PIN4: variants seen among roughly 807,000 people sequenced by gnomAD.
The protein encoded by PIN4 is peptidyl-prolyl cis-trans isomerase NIMA-interacting 4.
In PIN4, 3 loss-of-function variants were observed where a neutral mutation model predicts 8.3. That is an observed-to-expected ratio of 0.36 (90% CI 0.16 to 0.93). PIN4 has a LOEUF of 0.93. Among genes scored for constraint, PIN4 ranks in the 40% least tolerant of loss-of-function variants. The pLI is 0.44. For synonymous variants in PIN4, 18 were observed against 32.5 expected, an observed-to-expected ratio of 0.55 and a Z score of 1.52; for missense variants, 75 against 100.6, an observed-to-expected ratio of 0.75 and a Z score of 1.09.
At chrX:72,249,701 A>G (rs1004956600) in intron 3 of PIN4, among the ~76,000 whole-genome samples, 1 of 111,983 alleles carries the variant, frequency 8.9e-6, no homozygotes, top group Non-Finnish European at 1.9e-5. Flanking sequence ...TTCCATTTCT[A>G]TGAAGTTCAA....
chrX:72,184,484 A>G (rs1158629487), intron 1 of PIN4, among the ~76,000 whole-genome samples: 1 of 110,655 alleles, frequency 9.0e-6, no homozygotes, highest in Non-Finnish European at 1.9e-5. Context: ...AGATTCCCCA[A>G]GATAGATGGT....
intron 3 of PIN4, among the ~76,000 whole-genome samples, chrX:72,259,808 G>A (rs896212749): frequency 3.1e-5 from 3 of 95,270 alleles, no homozygotes; most frequent in Non-Finnish European, 6.1e-5. Flanking sequence ...TTGGCTCACC[G>A]CAACCTCCGC....
chrX:72,192,098 T>A lies in PIN4; in HGVS notation c.118-4687T>A, dbSNP rs183104639. 9.8e-4 allele frequency among the ~76,000 whole-genome samples: 108 copies of A among 110,575 alleles called. 1 individual carries two copies. In the East Asian group the frequency reaches 0.025, roughly 25 times the overall value. ...TCCCGAGTAGCTGGGATTACAGGCA[T>A]CCACCACCACTCCCGGCTAATTGTT... is the stretch of plus-strand genomic sequence containing the variant. On this transcript the variant is annotated intron_variant, in intron 2 of 3. Coordinates refer to ENST00000373669, the MANE Select transcript of PIN4 (RefSeq NM_006223.4).
intron 3 of PIN4, among the ~76,000 whole-genome samples, chrX:72,251,378 T>A (rs1191426162): frequency 5.8e-5 from 4 of 68,572 alleles, no homozygotes; most frequent in Non-Finnish European, 9.7e-5. Context: ...AAAAAAAATA[T>A]GTGTGAGTGT....
intron 2 of PIN4, among the ~76,000 whole-genome samples, chrX:72,195,511 G>A (rs757906931): frequency 9.0e-6 from 1 of 110,611 alleles, no homozygotes; most frequent in South Asian, 3.8e-4. Flanking sequence ...GCGTGGTGGT[G>A]CGCACCTATA....
At chrX:72,263,762 G>A (rs907069214) in exon 4 of PIN4, 1 of 111,654 alleles carries the variant, frequency 9.0e-6, no homozygotes, top group East Asian at 2.8e-4. Flanking sequence ...GAGTGCCCAT[G>A]TGAGGGGTAC....
chrX:72,205,430 T>G (rs1348801565), intron 3 of PIN4: 16 of 1,210,558 alleles, frequency 1.3e-5, no homozygotes, highest in Non-Finnish European at 1.8e-5. Context: ...TCGTCAAGTC[T>G]TTCCTCCATG....
chrX:72,263,766 G>C (rs982581002), exon 4 of PIN4: 1 of 111,578 alleles, frequency 9.0e-6, no homozygotes, highest in Non-Finnish European at 1.9e-5. Flanking sequence ...GCCCATGTGA[G>C]GGGTACTGAG....
exon 4 of PIN4, chrX:72,263,869 T>G (rs1038102509): frequency 9.0e-6 from 1 of 111,507 alleles, no homozygotes; most frequent in Admixed American, 9.5e-5. Context: ...TGTTAAACTT[T>G]CAGGAATTTT....
At chrX:72,204,480 A>T (rs930651191) in intron 3 of PIN4, among the ~76,000 whole-genome samples, 1 of 112,031 alleles carries the variant, frequency 8.9e-6, no homozygotes, top group African/African-American at 3.2e-5. Flanking sequence ...GACATGTCAC[A>T]TGACATCAGG....
chrX:72,250,993 A>G, intron 3 of PIN4, among the ~76,000 whole-genome samples: 1 of 107,180 alleles, frequency 9.3e-6, no homozygotes, highest in Non-Finnish European at 1.9e-5. Flanking sequence ...TCCCACCTCC[A>G]TCTCCCAAAG....
chrX:72,206,544 C>T, intron 3 of PIN4: 3 of 1,211,490 alleles, frequency 2.5e-6, no homozygotes, highest in Non-Finnish European at 2.2e-6. Context: ...GGCATTTCTT[C>T]TTTGTTGAAG....
At chrX:72,261,652 A>C (rs778577915) in intron 3 of PIN4, among the ~76,000 whole-genome samples, 217 of 112,450 alleles carry the variant, frequency 1.9e-3, no homozygotes, top group African/African-American at 6.8e-3. Context: ...GCACCTAAGC[A>C]CTTTAATCAC....
intron 1 of PIN4, among the ~76,000 whole-genome samples, chrX:72,183,049 T>C (rs2042682076): frequency 9.0e-6 from 1 of 111,582 alleles, no homozygotes; most frequent in Non-Finnish European, 1.9e-5. Context: ...AAAGATTCTG[T>C]AAATATTAGG....
chrX:72,254,173 T>G (rs2043099422), intron 3 of PIN4, among the ~76,000 whole-genome samples: 2 of 111,530 alleles, frequency 1.8e-5, no homozygotes, highest in Non-Finnish European at 3.8e-5. Context: ...AATCTCACCC[T>G]TTTTCTTCAG....
At chrX:72,247,518 G>C (rs2043071280) in intron 3 of PIN4, among the ~76,000 whole-genome samples, 1 of 112,417 alleles carries the variant, frequency 8.9e-6, no homozygotes, top group Non-Finnish European at 1.9e-5. Context: ...ACAAAACCTG[G>C]GGTCAAGGCT....
chrX:72,223,878 G>T (rs2042939953), intron 3 of PIN4, among the ~76,000 whole-genome samples: 1 of 111,257 alleles, frequency 9.0e-6, no homozygotes, highest in South Asian at 3.8e-4. Context: ...CTGGGCAAAG[G>T]CTTGTCCTAG....
chrX:72,225,143 A>G (rs188610848), intron 3 of PIN4, among the ~76,000 whole-genome samples: 2 of 111,757 alleles, frequency 1.8e-5, no homozygotes, highest in East Asian at 5.6e-4. Context: ...GCCATTTCTC[A>G]GTATTGGACC....
intron 3 of PIN4, among the ~76,000 whole-genome samples, chrX:72,245,269 A>G (rs1216749037): frequency 9.2e-6 from 1 of 108,933 alleles, no homozygotes; most frequent in Non-Finnish European, 1.9e-5. Flanking sequence ...TCCAGGCTCC[A>G]GCGATTCTCC....
Sources: allele counts gnomAD v4.1 joint callset (sites outside exome capture counted in the v4.1 genomes callset), GRCh38; gene constraint gnomAD v4.1.1; transcripts MANE v1.5; gene names NCBI Gene and HGNC (gene_info 2026-07-23, HGNC 2026-07-21).